CELF4: variants seen among roughly 807,000 people sequenced by gnomAD.
The protein encoded by CELF4 is CUGBP Elav-like family member 4, also known as CUG-BP- and ETR-3-like factor 4.
Under a neutral mutation model 59.9 loss-of-function variants are expected in CELF4, and 18 were observed. The ratio of observed to expected loss-of-function variants is 0.30; its 90% confidence interval spans 0.21 to 0.45. The LOEUF is 0.45. Among genes scored for constraint, CELF4 ranks in the 20% least tolerant of loss-of-function variants. The pLI is 1.00. For missense variants in CELF4, 456 were observed against 689.0 expected, an observed-to-expected ratio of 0.66 and a Z score of 3.79; for synonymous variants, 261 against 267.1, an observed-to-expected ratio of 0.98 and a Z score of 0.22.
intron 3 of CELF4, among the ~76,000 whole-genome samples, chr18:37,319,635 C>T (rs1180100038): frequency 6.6e-6 from 1 of 152,244 alleles, no homozygotes; most frequent in South Asian, 2.1e-4. Context: ...CCAGCGGCCA[C>T]ACCACAGCAC....
intron 1 of CELF4, among the ~76,000 whole-genome samples, chr18:37,514,723 A>C (rs889555390): frequency 6.6e-6 from 1 of 152,012 alleles, no homozygotes; most frequent in Non-Finnish European, 1.5e-5. Flanking sequence ...TAGGAAATTT[A>C]TTTTTTCAAT....
At chr18:37,291,252 G>A (rs1285291461) in intron 3 of CELF4, among the ~76,000 whole-genome samples, 1 of 152,172 alleles carries the variant, frequency 6.6e-6, no homozygotes, top group Non-Finnish European at 1.5e-5. Flanking sequence ...GTGATGTGAG[G>A]CTGGGAGCTG....
Position 37,525,509 on chromosome 18 carries a change from T to G in CELF4, c.286+39847A>C, listed in dbSNP as rs888722706. On this transcript the variant is annotated intron_variant, in intron 1 of 12. Coordinates refer to ENST00000420428, the MANE Select transcript of CELF4 (RefSeq NM_020180.4). ...TGTGTCTGTGGCTAGGTTTGCGCTG[T>G]AGGGTGTAGGGCAAGCAGGTTGTGA... Among the ~76,000 whole-genome samples, 14 of 147,862 alleles carry G rather than the reference T, an allele frequency of 9.5e-5. No homozygotes were observed. In the Admixed American group the frequency reaches 9.7e-4, roughly 10 times the overall value.
chr18:37,526,753 TTTCTGGGAAC>T (rs1238395763), intron 1 of CELF4, among the ~76,000 whole-genome samples: 2 of 152,210 alleles, frequency 1.3e-5, no homozygotes, highest in Admixed American at 6.5e-5. Context: ...GTCCCTGCAC[TTTCTGGGAAC>T]TTCTGGGAAC....
intron 2 of CELF4, among the ~76,000 whole-genome samples, chr18:37,385,257 AGAATCTCGAATCGCTT>A (rs1458064194): frequency 1.3e-5 from 2 of 151,112 alleles, no homozygotes; most frequent in African/African-American, 2.4e-5. Context: ...CTGAAGCAGG[AGAATCTCGAATCGCTT>A]GAACTCGGGA....
At chr18:37,336,114 C>T (rs2097762782) in intron 2 of CELF4, among the ~76,000 whole-genome samples, 1 of 152,236 alleles carries the variant, frequency 6.6e-6, no homozygotes, top group South Asian at 2.1e-4. Context: ...TAGCTCATCT[C>T]CTCAGTCTGC....
chr18:37,326,913 C>G (rs2097337829), intron 2 of CELF4, among the ~76,000 whole-genome samples: 1 of 152,202 alleles, frequency 6.6e-6, no homozygotes, highest in Admixed American at 6.5e-5. Flanking sequence ...ATCATCATAA[C>G]TTAAGCTGGG....
intron 1 of CELF4, among the ~76,000 whole-genome samples, chr18:37,557,214 T>A (rs2099985072): frequency 6.6e-6 from 1 of 152,258 alleles, no homozygotes; most frequent in Admixed American, 6.5e-5. Flanking sequence ...CATAGTCGCT[T>A]GTGCACGTGC....
intron 2 of CELF4, among the ~76,000 whole-genome samples, chr18:37,384,909 C>G (rs1051557882): frequency 6.6e-6 from 1 of 152,210 alleles, no homozygotes; most frequent in Non-Finnish European, 1.5e-5. Flanking sequence ...GGACTCATAT[C>G]CCTCATTAAA....
At chr18:37,387,437 G>T (rs933642853) in intron 2 of CELF4, among the ~76,000 whole-genome samples, 3 of 152,164 alleles carry the variant, frequency 2.0e-5, no homozygotes, top group Admixed American at 6.5e-5. Context: ...GACCTCCAGC[G>T]CCCCTCTTCT....
At chr18:37,422,610 G>A (rs1006476646) in intron 2 of CELF4, among the ~76,000 whole-genome samples, 2 of 152,218 alleles carry the variant, frequency 1.3e-5, no homozygotes, top group Non-Finnish European at 2.9e-5. Flanking sequence ...GGGAGTGAAT[G>A]TGTGCCCGAG....
intron 2 of CELF4, among the ~76,000 whole-genome samples, chr18:37,337,244 G>A (rs1569566083): frequency 3.3e-5 from 5 of 152,170 alleles, no homozygotes; most frequent in Admixed American, 1.3e-4. Context: ...CGGAGGGAGA[G>A]GAGGATGTGG....
At chr18:37,476,149 C>T (rs1040217698) in intron 2 of CELF4, among the ~76,000 whole-genome samples, 2 of 152,234 alleles carry the variant, frequency 1.3e-5, no homozygotes, top group African/African-American at 4.8e-5. Context: ...ATATAAAGGG[C>T]GCACACATGT....
chr18:37,264,581 T>C, intron 10 of CELF4, 93 bp downstream of exon 10: 1 of 1,083,140 alleles, frequency 9.2e-7, no homozygotes, highest in Non-Finnish European at 1.4e-6. Flanking sequence ...TGGTCACCTT[T>C]CCAACGCACA....
At chr18:37,517,340 A>G (rs903440918) in intron 1 of CELF4, among the ~76,000 whole-genome samples, 10 of 152,086 alleles carry the variant, frequency 6.6e-5, no homozygotes, top group Non-Finnish European at 1.3e-4. Context: ...GTAATGGGAA[A>G]CTGCAAGGTG....
chr18:37,452,971 C>G (rs79626538), intron 2 of CELF4, among the ~76,000 whole-genome samples: 2 of 152,258 alleles, frequency 1.3e-5, no homozygotes, highest in East Asian at 1.9e-4. Flanking sequence ...TCCTCCAGCC[C>G]GCAGAAAAAT....
At chr18:37,290,996 G>A (rs150639456) in intron 3 of CELF4, among the ~76,000 whole-genome samples, 2,059 of 152,218 alleles carry the variant, frequency 0.014, 17 homozygotes, top group South Asian at 0.051. Context: ...CGCAACCTCC[G>A]CCTCCCGGGT....
chr18:37,247,677 GGTT>G, intron 12 of CELF4, among the ~76,000 whole-genome samples: 1 of 151,522 alleles, frequency 6.6e-6, no homozygotes, highest in Non-Finnish European at 1.5e-5. Flanking sequence ...ACACACACAC[GGTT>G]GTTTATGCAG....
At chr18:37,370,521 C>T (rs1011065194) in intron 2 of CELF4, among the ~76,000 whole-genome samples, 1 of 152,182 alleles carries the variant, frequency 6.6e-6, no homozygotes, top group African/African-American at 2.4e-5. Flanking sequence ...CACTTAGTGA[C>T]CCCTGCTTTG....
Sources: allele counts gnomAD v4.1 joint callset (sites outside exome capture counted in the v4.1 genomes callset), GRCh38; gene constraint gnomAD v4.1.1; transcripts MANE v1.5; gene names NCBI Gene and HGNC (gene_info 2026-07-23, HGNC 2026-07-21).